Variants in ELFN2 observed in about 807,000 individuals in gnomAD.
ELFN2 encodes the protein protein phosphatase 1 regulatory subunit 29.
A neutral mutation model predicts 45.5 loss-of-function variants in ELFN2; 17 were observed. That is an observed-to-expected ratio of 0.37 (90% confidence interval 0.26 to 0.56). ELFN2 has a LOEUF of 0.56. Among genes scored for constraint, ELFN2 ranks in the 20% least tolerant of loss-of-function variants. The pLI is 0.77. For missense variants in ELFN2, 922 were observed against 1,183.2 expected (o/e 0.78, Z 3.24); for synonymous variants, 550 against 551.5 (o/e 1.00, Z 0.04).
At chr22:37,385,848 G>T (rs182242378) in intron 2 of ELFN2, among the ~76,000 whole-genome samples, 28 of 152,288 alleles carry the variant, frequency 1.8e-4, no homozygotes, top group African/African-American at 6.5e-4. Flanking sequence ...ATTTAGGGAG[G>T]GAGGTCTCCA....
chr22:37,420,824 T>A (rs75005547), intron 1 of ELFN2, among the ~76,000 whole-genome samples: 9,032 of 152,226 alleles, frequency 0.059, 346 homozygotes, highest in African/African-American at 0.1. Context: ...GACTTGCTGC[T>A]GTGGCGCGGA....
intron 2 of ELFN2, among the ~76,000 whole-genome samples, chr22:37,397,932 C>T (rs1052900125): frequency 1.3e-5 from 2 of 152,160 alleles, no homozygotes; most frequent in Non-Finnish European, 2.9e-5. Flanking sequence ...CTCGGCAGCC[C>T]GCGCAGCTTC....
In ELFN2 at chr22:37,412,290, A is replaced by AG. The variant is rs1305953292; in HGVS notation, c.-463+5478_-463+5479insC. ...AAAACTCCGTCTCAAAAAAAAAAAA[A>AG]AAAAAGAAAGAAAGAAAAGGAAAAA... On this transcript the variant is annotated intron_variant, in intron 2 of 2. Coordinates refer to ENST00000402918, the MANE Select transcript of ELFN2 (RefSeq NM_052906.5). Among the ~76,000 whole-genome samples, 4 of 151,142 alleles carry AG rather than the reference A, an allele frequency of 2.6e-5. No individual in the cohort carries two copies. The East Asian group carries it at 5.8e-4, about 22-fold the overall frequency.
At chr22:37,410,238 G>C (rs528065394) in intron 2 of ELFN2, among the ~76,000 whole-genome samples, 1 of 152,116 alleles carries the variant, frequency 6.6e-6, no homozygotes, top group Non-Finnish European at 1.5e-5. Flanking sequence ...GAAACAGAAC[G>C]AATGAGCTCA....
downstream of ELFN2, among the ~76,000 whole-genome samples, chr22:37,366,894 C>T (rs553775970): frequency 5.7e-4 from 87 of 152,314 alleles, 1 homozygote; most frequent in Admixed American, 2.2e-3. Flanking sequence ...AGAAGGTGAG[C>T]GGCCCCAGGC....
chr22:37,345,949 C>A (rs796956745), intron 1 of ELFN2, among the ~76,000 whole-genome samples: 7 of 152,290 alleles, frequency 4.6e-5, no homozygotes, highest in African/African-American at 1.7e-4. Context: ...CTGCTGATCC[C>A]AAACCACCCC....
chr22:37,373,222 C>T lies in ELFN2; in HGVS notation c.2313G>A (p.Glu771=). 2 of 1,613,834 alleles carry T rather than the reference C, an allele frequency of 1.2e-6. No homozygotes were observed. The highest frequency in any genetic ancestry group is 1.7e-6 in the Non-Finnish European group (2 of 1,180,012). ...GGTGCTTCTTGTAGGGCCGGAAGCG[C>T]TCCCAGATCTTGTGCGTGCTCTCGG... is the stretch of plus-strand genomic sequence containing the variant. The part of the protein sequence containing the change: ...YSSESTHKIW[E]RFRPYKKHHR... The change falls in exon 3 of 3, where the codon GAG becomes GAA. Residue 771 remains glutamate (E), a synonymous_variant. Coordinates refer to ENST00000402918, the MANE Select transcript of ELFN2 (RefSeq NM_052906.5).
chr22:37,350,617 G>A (rs1347353744), intron 1 of ELFN2, among the ~76,000 whole-genome samples: 1 of 150,752 alleles, frequency 6.6e-6, no homozygotes, highest in African/African-American at 2.4e-5. Flanking sequence ...CCTGGAGGCT[G>A]AGAGCGTGTG....
intron 2 of ELFN2, among the ~76,000 whole-genome samples, chr22:37,383,056 C>T (rs953081124): frequency 4.6e-5 from 7 of 152,194 alleles, no homozygotes; most frequent in African/African-American, 1.4e-4. Flanking sequence ...ACGTCCTCTA[C>T]CTGCTCTTCC....
Position 37,383,445 on chromosome 22 carries a change from T to A in ELFN2, c.-462-7449A>T, listed in dbSNP as rs539069083. Among the ~76,000 whole-genome samples the A allele has an allele frequency of 3.2e-4, 49 of 152,282 alleles. 1 individual carries two copies. The highest frequency in any genetic ancestry group is 9.9e-4 in the African/African-American group (41 of 41,554). On this transcript the variant is annotated intron_variant, in intron 2 of 2. Coordinates refer to ENST00000402918, the MANE Select transcript of ELFN2 (RefSeq NM_052906.5). Reference sequence around the variant, plus strand: ...CCCATTCAATCATGTCTTGTTAGTCTCAGCCCTGCACACCAGCTGCTCTGG... The same window carrying A: ...CCCATTCAATCATGTCTTGTTAGTCACAGCCCTGCACACCAGCTGCTCTGG...
rs73887136 is a variant in ELFN2, at chr22:37,360,031, G to A, written n.149-17328C>T. On this transcript the variant is annotated intron_variant and non_coding_transcript_variant, in intron 1 of 2. Coordinates refer to ENST00000452946, the Ensembl canonical transcript of ELFN2. ...GCCATGGAAAGGGGCAGTAACTTCC[G>A]GGTATTGCTATAGACAAAGGTAAAA... 6.4e-3 allele frequency among the ~76,000 whole-genome samples: 969 copies of A among 152,320 alleles called. 7 individuals are homozygous for A. The highest frequency in any genetic ancestry group is 0.021 in the African/African-American group (855 of 41,560).
intron 2 of ELFN2, among the ~76,000 whole-genome samples, chr22:37,385,762 C>T (rs545725092): frequency 5.3e-5 from 8 of 152,174 alleles, no homozygotes; most frequent in South Asian, 2.1e-4. Flanking sequence ...TGCCTGACCT[C>T]GAGCCCCCCT....
At chr22:37,384,963 A>C (rs1227413259) in intron 2 of ELFN2, 1 of 152,050 alleles carries the variant, frequency 6.6e-6, no homozygotes, top group Admixed American at 6.5e-5. Flanking sequence ...ACTATGTACC[A>C]GGCGCCGGCT....
At chr22:37,348,276 G>T (rs1025878917) in intron 1 of ELFN2, among the ~76,000 whole-genome samples, 2 of 152,220 alleles carry the variant, frequency 1.3e-5, no homozygotes, top group Non-Finnish European at 2.9e-5. Context: ...TGGGGGCTAG[G>T]GGTGCCAGGT....
chr22:37,402,241 C>T (rs1417407342), intron 2 of ELFN2, among the ~76,000 whole-genome samples: 1 of 152,178 alleles, frequency 6.6e-6, no homozygotes, highest in African/African-American at 2.4e-5. Context: ...AGTTAAATAC[C>T]CTCCGGTTAA....
At chr22:37,402,523 C>A (rs761066643) in intron 2 of ELFN2, among the ~76,000 whole-genome samples, 4 of 152,206 alleles carry the variant, frequency 2.6e-5, no homozygotes, top group Non-Finnish European at 4.4e-5. Flanking sequence ...TCACTAGAGG[C>A]ATCACTAGGC....
chr22:37,415,068 G>A (rs551241768), intron 2 of ELFN2, among the ~76,000 whole-genome samples: 3 of 152,332 alleles, frequency 2.0e-5, no homozygotes, highest in South Asian at 2.1e-4. Context: ...CATGCCCAAC[G>A]GCAGCTTCCA....
chr22:37,362,921 G>A (rs1931122551), intron 1 of ELFN2, among the ~76,000 whole-genome samples: 1 of 152,118 alleles, frequency 6.6e-6, no homozygotes, highest in African/African-American at 2.4e-5. Flanking sequence ...TGCTTCTACC[G>A]CCATCGTCCC....
intron 1 of ELFN2, among the ~76,000 whole-genome samples, chr22:37,422,489 G>A (rs751262274): frequency 2.6e-5 from 4 of 151,918 alleles, no homozygotes; most frequent in East Asian, 2.0e-4. Context: ...GGAGGATCAC[G>A]AGGTCAGGAG....
Sources: gnomAD v4.1 joint callset for allele counts (sites outside exome capture counted in the v4.1 genomes callset) on GRCh38, gnomAD v4.1.1 for gene constraint, MANE v1.5 for transcripts, NCBI Gene and HGNC (gene_info 2026-07-23, HGNC 2026-07-21) for gene names.